Variants in ADAM23 observed in about 807,000 individuals in gnomAD.
ADAM23 encodes the protein ADAM metallopeptidase domain 23.
ADAM23 carries 33 observed loss-of-function variants against 120.1 expected under a neutral mutation model. That is an observed-to-expected ratio of 0.27 (90% confidence interval 0.21 to 0.37). ADAM23 has a LOEUF of 0.37. Ranked by LOEUF, ADAM23 falls within the 10% of genes least tolerant of loss-of-function variation. The pLI, the probability that ADAM23 is intolerant of heterozygous loss-of-function variation, is 1.00. For synonymous variants in ADAM23, 367 were observed against 375.2 expected (o/e 0.98, Z 0.25); for missense variants, 862 against 1,058.2 (o/e 0.81, Z 2.57).
intron 11 of ADAM23, among the ~76,000 whole-genome samples, chr2:206,560,586 A>G (rs1247946131): frequency 6.6e-6 from 1 of 152,164 alleles, no homozygotes; most frequent in Admixed American, 6.5e-5. Flanking sequence ...TAGATGAACT[A>G]TTCAGTTGAG....
In ADAM23 at chr2:206,465,485, G is replaced by C. The variant is rs1412541721; in HGVS notation, c.433-15747G>C. On this transcript the variant is annotated intron_variant, in intron 2 of 25. Transcript: ENST00000264377. ...ATTTTCTTTTTGCCAAGATAAAAGT[G>C]TTAAATTTATTATAGTCCTCTACTT... 2.6e-5 allele frequency among the ~76,000 whole-genome samples: 4 copies of C among 152,266 alleles called. No homozygotes were observed. In the South Asian group the frequency reaches 8.3e-4, roughly 32 times the overall value.
At chr2:206,470,482 GT>G (rs1363615430) in intron 2 of ADAM23, among the ~76,000 whole-genome samples, 1 of 152,150 alleles carries the variant, frequency 6.6e-6, no homozygotes, top group Non-Finnish European at 1.5e-5. Context: ...CTCTGTGGAA[GT>G]TCGATATTAG....
Position 206,560,017 on chromosome 2 carries a change from G to A in ADAM23, c.1068G>A (p.Lys356=), listed in dbSNP as rs772748788. The change falls in exon 11 of 26, where the codon AAG becomes AAA. Residue 356 remains lysine, a synonymous_variant. Transcript: ENST00000264377. ...TGGCTGTAGAGACCTGGACTGAGAA[G>A]GATCAGATTGACATCACCACCAACC... is the stretch of plus-strand genomic sequence containing the variant. ...VLVAVETWTE[K]DQIDITTNPV... The A allele has an allele frequency of 3.7e-6, 6 of 1,613,980 alleles. No individual in the cohort carries two copies.
intron 2 of ADAM23, among the ~76,000 whole-genome samples, chr2:206,476,518 C>T (rs1004997991): frequency 2.3e-4 from 35 of 152,074 alleles, no homozygotes; most frequent in African/African-American, 7.0e-4. Context: ...GAGCATGACC[C>T]CTATTGTGAA....
At chr2:206,481,910 G>A (rs1043395332) in intron 3 of ADAM23, among the ~76,000 whole-genome samples, 1 of 152,222 alleles carries the variant, frequency 6.6e-6, no homozygotes, top group Non-Finnish European at 1.5e-5. Context: ...AACAAGAGCT[G>A]TTGACTTAAC....
chr2:206,563,789 G>A (rs1052274487), intron 13 of ADAM23, among the ~76,000 whole-genome samples: 4 of 150,634 alleles, frequency 2.7e-5, no homozygotes, highest in African/African-American at 7.3e-5. Flanking sequence ...GAGTGCAGTG[G>A]CACGATCTCG....
chr2:206,482,437 C>T (rs559834718), intron 3 of ADAM23, among the ~76,000 whole-genome samples: 1 of 152,304 alleles, frequency 6.6e-6, no homozygotes, highest in South Asian at 2.1e-4. Flanking sequence ...ATTCCTTTAA[C>T]TCTTACTGCG....
rs1466956213 is a variant in ADAM23 at position 206,605,991 on chromosome 2, G to GCA, written c.2360-3917_2360-3916dup. ...TGTTGACCGTGTTTCCTGTGGTAGT[G>GCA]CACCTTGTGGTGTGACTTGGATGTT... On this transcript the variant is annotated intron_variant, in intron 24 of 25. Transcript: ENST00000264377. 51 of 575,022 alleles carry GCA rather than the reference G, an allele frequency of 8.9e-5. No individual in the cohort carries two copies. The South Asian group carries it at 1.0e-3, about 12-fold the overall frequency. 35.6% of individuals were successfully genotyped at this position (575,022 alleles called of 1,614,324 possible). A position where few individuals can be genotyped will look rare whatever the true frequency, so the allele number is the denominator to read the frequency against.
intron 2 of ADAM23, among the ~76,000 whole-genome samples, chr2:206,461,063 C>CTT (rs565925215): frequency 1.3e-4 from 18 of 137,054 alleles, no homozygotes; most frequent in Non-Finnish European, 1.6e-4. Flanking sequence ...TTTTCTTCTT[C>CTT]TTTTTTTTTT....
chr2:206,570,940 C>T (rs1407486694), intron 16 of ADAM23, 129 bp downstream of exon 16: 3 of 727,730 alleles, frequency 4.1e-6, no homozygotes, highest in South Asian at 1.8e-5. Context: ...CTGATTAGTG[C>T]TTAATTCAAC....
chr2:206,511,361 G>A (rs1229034877), intron 3 of ADAM23, among the ~76,000 whole-genome samples: 6 of 151,868 alleles, frequency 4.0e-5, no homozygotes. Context: ...TTTCTTCCTG[G>A]TTATCTGTGT....
chr2:206,443,841 G>A lies in ADAM23; in HGVS notation c.-26G>A. 5 of 1,092,502 alleles carry A rather than the reference G, an allele frequency of 4.6e-6. No homozygotes were observed. Among genetic ancestry groups the A allele is most frequent in the Non-Finnish European group, 4.4e-6 (4 of 900,276 alleles). 67.7% of individuals were successfully genotyped at this position (1,092,502 alleles called of 1,614,324 possible). A position where few individuals can be genotyped will look rare whatever the true frequency, so the allele number is the denominator to read the frequency against. ...AGCCCGGCGCTCTCGCCGGCCACAC[G>A]GAGCGGCGCCCGGGAGCTATGAGCC... is the stretch of plus-strand genomic sequence containing the variant. On this transcript the variant is annotated 5_prime_UTR_variant, in exon 1 of 26. Coordinates refer to ENST00000264377, the MANE Select transcript of ADAM23 (RefSeq NM_003812.4).
At chr2:206,477,276 T>G (rs1207308133) in intron 2 of ADAM23, among the ~76,000 whole-genome samples, 3 of 152,236 alleles carry the variant, frequency 2.0e-5, no homozygotes, top group African/African-American at 7.2e-5. Context: ...AGCACATTGC[T>G]AAGACGTGTA....
In ADAM23 at chr2:206,443,874, C is replaced by G. The variant is rs1695013689; in HGVS notation, c.8C>G (p.Pro3Arg). Residue 3 changes from proline (P) to arginine (R), a missense_variant, in exon 1 of 26, where the codon CCG (proline) becomes CGG (arginine). Physicochemically the swap from Pro to Arg is moderately radical, Grantham distance 103 (BLOSUM62 -2). Coordinates refer to ENST00000264377, the MANE Select transcript of ADAM23 (RefSeq NM_003812.4). MK[P>R]PGSSSRQPPL... ...GCCCGGGAGCTATGAGCCATGAAGC[C>G]GCCCGGCAGCAGCTCGCGGCAGCCG... is the stretch of plus-strand genomic sequence containing the variant. 11 of 1,143,686 alleles carry G rather than the reference C, an allele frequency of 9.6e-6. No homozygotes were observed. In the Admixed American group the frequency reaches 3.3e-4, roughly 35 times the overall value. The allele number at this position is 1,143,686 out of a possible 1,614,324, so 70.8% of individuals were successfully genotyped here.
chr2:206,490,197 C>A (rs910428691), intron 3 of ADAM23, among the ~76,000 whole-genome samples: 7 of 152,174 alleles, frequency 4.6e-5, no homozygotes, highest in Non-Finnish European at 8.8e-5. Context: ...TGTCTGCAAG[C>A]CAAGGAGAGA....
rs563818583 is a variant in ADAM23 at position 206,617,971 on chromosome 2, A to AT, written c.*352dup. 1.5e-4 allele frequency: 31 copies of AT among 208,724 alleles called. No individual in the cohort carries two copies. The highest frequency in any genetic ancestry group is 1.0e-3 in the South Asian group (7 of 6,738). The allele number at this position is 208,724 out of a possible 1,614,324, so 12.9% of individuals were successfully genotyped here. ...GAATCATTAAAAAAAATAGTAAATG[A>AT]TTTTTTTTCCCTCAGCCTGCTGGCA... is the stretch of plus-strand genomic sequence containing the variant. On this transcript the variant is annotated 3_prime_UTR_variant, in exon 26 of 26. Transcript: ENST00000264377.
chr2:206,509,816 T>G lies in ADAM23; in HGVS notation c.510-21069T>G, dbSNP rs530655097. ...TGTATTATTTTCATAGTTAAAATTATATAACAAAAAATAAACTATGGTAAT... is the reference window on the plus strand; with the variant it reads ...TGTATTATTTTCATAGTTAAAATTAGATAACAAAAAATAAACTATGGTAAT... On this transcript the variant is annotated intron_variant, in intron 3 of 25. Coordinates refer to ENST00000264377, the MANE Select transcript of ADAM23 (RefSeq NM_003812.4). Among the ~76,000 whole-genome samples the G allele has an allele frequency of 1.3e-4, 20 of 152,234 alleles. 1 individual carries two copies. The highest frequency in any genetic ancestry group is 1.5e-4 in the Non-Finnish European group (10 of 68,040).
rs562089893 is a variant in ADAM23, at chr2:206,579,519, G to A, written c.1737+6324G>A. 3.9e-5 allele frequency among the ~76,000 whole-genome samples: 6 copies of A among 152,146 alleles called. No individual in the cohort carries two copies. In the South Asian group the frequency reaches 6.2e-4, roughly 16 times the overall value. The stretch of plus-strand genomic sequence containing the variant: ...CTTTTCCCCACTTTATGTTTTGTTT[G>A]CTTTATCAAAGATCAGTTGGCTGTA... On this transcript the variant is annotated intron_variant, in intron 18 of 25. Coordinates refer to ENST00000264377, the MANE Select transcript of ADAM23 (RefSeq NM_003812.4).
intron 4 of ADAM23, among the ~76,000 whole-genome samples, chr2:206,538,619 G>A (rs530694748): frequency 2.2e-4 from 34 of 152,256 alleles, no homozygotes; most frequent in African/African-American, 8.2e-4. Flanking sequence ...AGTTTCATAA[G>A]CAGTAAAGAA....
Sources: allele counts gnomAD v4.1 joint callset (sites outside exome capture counted in the v4.1 genomes callset), GRCh38; gene constraint gnomAD v4.1.1; transcripts MANE v1.5; gene names NCBI Gene and HGNC (gene_info 2026-07-23, HGNC 2026-07-21).